The following LATS2 variants were observed in gnomAD, a reference collection of about 807,000 sequenced individuals.
LATS2 encodes large tumor suppressor kinase 2, also known as serine/threonine-protein kinase LATS2.
In LATS2, 24 loss-of-function variants were observed where a neutral mutation model predicts 76.0. The ratio of observed to expected loss-of-function variants is 0.32; its 90% CI spans 0.23 to 0.44. The LOEUF (loss-of-function observed/expected upper bound fraction) is 0.44, where lower values mean the gene tolerates loss of function less well. LATS2 is among the 20% of genes least tolerant of loss of function. The pLI, the probability that LATS2 is intolerant of heterozygous loss-of-function variation, is 1.00. For missense variants in LATS2, 1,286 were observed against 1,481.2 expected, an observed-to-expected ratio of 0.87 and a Z score of 2.16; for synonymous variants, 692 against 635.4, an observed-to-expected ratio of 1.09 and a Z score of -1.34.
At chr13:21,045,278 G>GA (rs1322205434) in intron 2 of LATS2, among the ~76,000 whole-genome samples, 75 of 148,122 alleles carry the variant, frequency 5.1e-4, no homozygotes, top group Middle Eastern at 3.4e-3. Flanking sequence ...CCATTTCTAG[G>GA]AAAAAAAAAA....
chr13:21,032,810 C>T (rs980019306), intron 2 of LATS2, among the ~76,000 whole-genome samples: 2 of 152,076 alleles, frequency 1.3e-5, no homozygotes, highest in Admixed American at 6.6e-5. Context: ...AAGGATGGGT[C>T]GTGGAAGTGG....
chr13:21,025,868 G>C (rs1872293106), intron 2 of LATS2, among the ~76,000 whole-genome samples: 1 of 152,200 alleles, frequency 6.6e-6, no homozygotes, highest in East Asian at 1.9e-4. Flanking sequence ...GTACGTCTGG[G>C]TTGATTTTTT....
chr13:21,061,174 G>T (rs1873632862), intron 1 of LATS2, among the ~76,000 whole-genome samples, 172 bp downstream of exon 1: 1 of 151,332 alleles, frequency 6.6e-6, no homozygotes, highest in Non-Finnish European at 1.5e-5. Context: ...CGGACCGTGG[G>T]GGCAGGGCGC....
intron 2 of LATS2, among the ~76,000 whole-genome samples, chr13:20,999,859 C>G (rs1274670105): frequency 2.3e-5 from 1 of 42,578 alleles, no homozygotes; most frequent in Non-Finnish European, 4.7e-5. Context: ...CTCTACTAAA[C>G]ATACAAAAAA....
At position 20,988,354 on chromosome 13, in the gene LATS2, C is replaced by A; in HGVS notation, c.1426G>T (p.Ala476Ser). Residue 476 changes from alanine (A) to serine (S), a missense_variant, in exon 4 of 8, where the codon GCC (alanine) becomes TCC (serine). Transcript: ENST00000382592. ...AAGCCCTCCGCAGCCGGGGCGGGGGCGGGGGCGGGGGCCGGGGCAGGCGCG... is the reference window on the plus strand; with the variant it reads ...AAGCCCTCCGCAGCCGGGGCGGGGGAGGGGGCGGGGGCCGGGGCAGGCGCG... ...VPAPAPAPAP[A>S]PAPAAEGLDA... 1 of 1,291,774 alleles carries A rather than the reference C, an allele frequency of 7.7e-7. No individual in the cohort carries two copies. Among genetic ancestry groups the A allele is most frequent in the Non-Finnish European group, 9.9e-7 (1 of 1,005,704 alleles). The allele number at this position is 1,291,774 out of a possible 1,614,324, so 80.0% of individuals were successfully genotyped here.
chr13:20,995,339 T>C (rs953862945), intron 2 of LATS2, among the ~76,000 whole-genome samples: 3 of 152,212 alleles, frequency 2.0e-5, no homozygotes, highest in Admixed American at 6.5e-5. Flanking sequence ...CAAGCCTCAA[T>C]AGACACCTCC....
chr13:20,979,721 CA>C lies in LATS2; in HGVS notation c.2741del (p.Leu914TrpfsTer10). On this transcript the variant is annotated frameshift_variant, in exon 7 of 8. Transcript: ENST00000382592. LOFTEE classifies it low-confidence loss of function (END_TRUNC). ...GCTGGGTTTCTGTGGGAGTAGGTGC[CA>C]AAAAGGGCGGCTGCCCCACCAGCAT... ...FEMLVGQPPF[L>X]APTPTETQLK... is the part of the protein sequence containing the mutation. 1.9e-6 allele frequency: 3 copies of C among 1,612,374 alleles called. No homozygotes were observed. Among genetic ancestry groups the C allele is most frequent in the Admixed American group, 1.7e-5 (1 of 59,930 alleles).
At chr13:21,057,036 G>A (rs1427779282) in intron 1 of LATS2, among the ~76,000 whole-genome samples, 2 of 152,172 alleles carry the variant, frequency 1.3e-5, no homozygotes, top group African/African-American at 4.8e-5. Context: ...TAAGAATGGA[G>A]TTAACTAGTA....
chr13:21,058,487 T>C (rs1873520799), intron 1 of LATS2, among the ~76,000 whole-genome samples: 1 of 151,954 alleles, frequency 6.6e-6, no homozygotes, highest in African/African-American at 2.4e-5. Flanking sequence ...GCATTTAAAA[T>C]AACAAGGAAT....
intron 2 of LATS2, among the ~76,000 whole-genome samples, chr13:21,024,776 G>A (rs1872240585): frequency 6.6e-6 from 1 of 150,740 alleles, no homozygotes; most frequent in Non-Finnish European, 1.5e-5. Context: ...AGTAAGCAAT[G>A]TTAGAAATAC....
intron 2 of LATS2, among the ~76,000 whole-genome samples, chr13:21,040,071 C>T (rs916686265): frequency 2.0e-5 from 3 of 147,744 alleles, no homozygotes; most frequent in Non-Finnish European, 4.5e-5. Context: ...GAAACTCCAT[C>T]TCAAAAAAAA....
intron 2 of LATS2, among the ~76,000 whole-genome samples, chr13:20,992,837 C>T (rs1455199811): frequency 6.6e-6 from 1 of 151,966 alleles, no homozygotes; most frequent in African/African-American, 2.4e-5. Context: ...GAGATCGAGA[C>T]CATCCTGGCC....
intron 2 of LATS2, among the ~76,000 whole-genome samples, chr13:20,995,556 G>A (rs992845383): frequency 2.0e-5 from 3 of 152,204 alleles, no homozygotes; most frequent in Admixed American, 2.0e-4. Flanking sequence ...TTGAGTGAGT[G>A]ACTGAGTTAG....
chr13:21,057,823 T>TA (rs1873497056), intron 1 of LATS2, among the ~76,000 whole-genome samples: 1 of 151,408 alleles, frequency 6.6e-6, no homozygotes, highest in Non-Finnish European at 1.5e-5. Flanking sequence ...AAATGAAAAA[T>TA]AAAAATCACG....
intron 1 of LATS2, among the ~76,000 whole-genome samples, 191 bp downstream of exon 1, chr13:21,061,155 G>A (rs1253958405): frequency 6.6e-6 from 1 of 151,742 alleles, no homozygotes; most frequent in Non-Finnish European, 1.5e-5. Flanking sequence ...GGGCGGCTCC[G>A]GGCGGGCGCG....
Position 20,988,017 on chromosome 13 carries a change from T to C in LATS2, c.1763A>G (p.Glu588Gly). ...GCTCTTGATGCGTGACTCTCTCTTCTCTTCGTCTCTGCTGTTTTTGCGGAC... is the reference window on the plus strand; with the variant it reads ...GCTCTTGATGCGTGACTCTCTCTTCCCTTCGTCTCTGCTGTTTTTGCGGAC... The part of the protein sequence containing the change: ...VPVRKNSRDE[E>G]KRESRIKSYS... Residue 588 changes from glutamate (E) to glycine (G), a missense_variant, in exon 4 of 8, where the codon GAG becomes GGG. Physicochemically the swap from Glu to Gly is moderately conservative, Grantham distance 98. Transcript: ENST00000382592. 1 of 1,614,262 alleles carries C rather than the reference T, an allele frequency of 6.2e-7. No homozygotes were observed. Among genetic ancestry groups the C allele is most frequent in the Non-Finnish European group, 8.5e-7 (1 of 1,180,050 alleles).
In LATS2 at chr13:20,973,218, C is replaced by T. The variant is rs867954678; in HGVS notation, c.*1652G>A. The T allele has an allele frequency of 1.7e-5, 4 of 232,416 alleles. No homozygotes were observed. The highest frequency in any genetic ancestry group is 4.4e-5 in the African/African-American group (2 of 45,380). The allele number at this position is 232,416 out of a possible 1,614,324, so 14.4% of individuals were successfully genotyped here. On this transcript the variant is annotated 3_prime_UTR_variant, in exon 8 of 8. Transcript: ENST00000382592. Reference sequence around the variant, plus strand: ...ATAGCGAGAATACTGACAGTCACGACGACAGGCACAGCAGACTTGAGTATG... The same window carrying T: ...ATAGCGAGAATACTGACAGTCACGATGACAGGCACAGCAGACTTGAGTATG...
rs1441259935 is a variant in LATS2 at position 20,988,703 on chromosome 13, C to G, written c.1077G>C (p.Leu359=). The G allele has an allele frequency of 6.4e-7, 1 of 1,567,664 alleles. No homozygotes were observed. Among genetic ancestry groups the G allele is most frequent in the South Asian group, 1.2e-5 (1 of 85,448 alleles). Residue 359 remains leucine, a synonymous_variant, in exon 4 of 8, where the codon CTG becomes CTC. Coordinates refer to ENST00000382592, the MANE Select transcript of LATS2 (RefSeq NM_014572.3). ...TPSRNSLNVD[L]YELGSTSVQQ... ...GGACGGAGGTGCTGCCCAATTCATACAGGTCCACGTTGAGGCTGTTCCGCG... is the reference window on the plus strand; with the variant it reads ...GGACGGAGGTGCTGCCCAATTCATAGAGGTCCACGTTGAGGCTGTTCCGCG...
At chr13:21,059,589 C>T (rs560879049) in intron 1 of LATS2, among the ~76,000 whole-genome samples, 1 of 147,542 alleles carries the variant, frequency 6.8e-6, no homozygotes, top group East Asian at 2.1e-4. Flanking sequence ...AGCAAGACAA[C>T]GTCTCAAAAA....
Sources: gnomAD v4.1 joint callset for allele counts (sites outside exome capture counted in the v4.1 genomes callset) on GRCh38, gnomAD v4.1.1 for gene constraint, MANE v1.5 for transcripts, NCBI Gene and HGNC (gene_info 2026-07-23, HGNC 2026-07-21) for gene names.